The following MEI4 variants were observed in gnomAD, a reference collection of about 807,000 sequenced individuals.
MEI4 encodes the protein meiotic double-stranded break formation protein 4.
Under a neutral mutation model 31.4 loss-of-function variants are expected in MEI4, and 27 were observed. The ratio of observed to expected loss-of-function variants is 0.86; its 90% CI spans 0.63 to 1.19. The LOEUF is 1.19. Ranked by LOEUF, MEI4 falls within the 50% of genes most tolerant of loss-of-function variation. The pLI, the probability that MEI4 is intolerant of heterozygous loss-of-function variation, is 0.00. For synonymous variants in MEI4, 122 were observed against 145.4 expected (o/e 0.84, Z 1.16); for missense variants, 329 against 398.9 (o/e 0.82, Z 1.49).
intron 2 of MEI4, among the ~76,000 whole-genome samples, chr6:77,731,608 G>T (rs1223734668): frequency 6.6e-6 from 1 of 151,192 alleles, no homozygotes; most frequent in Non-Finnish European, 1.5e-5. Flanking sequence ...AGTTTCTTTT[G>T]CTGTGCAGAA....
chr6:77,839,204 T>C (rs556371604), intron 4 of MEI4, among the ~76,000 whole-genome samples: 19 of 152,278 alleles, frequency 1.2e-4, no homozygotes, highest in Middle Eastern at 3.4e-3. Context: ...TGTATTTGTT[T>C]TTTTATCTAG....
chr6:77,827,040 G>A (rs1314542840), intron 3 of MEI4, among the ~76,000 whole-genome samples: 1 of 152,080 alleles, frequency 6.6e-6, no homozygotes, highest in Non-Finnish European at 1.5e-5. Flanking sequence ...GGCAACCAAG[G>A]TAGCTGCTAC....
chr6:77,755,094 G>C (rs1767879741), intron 2 of MEI4, among the ~76,000 whole-genome samples: 1 of 152,152 alleles, frequency 6.6e-6, no homozygotes, highest in African/African-American at 2.4e-5. Context: ...GATTTGGGAA[G>C]CTGAAGTGGA....
chr6:77,664,392 T>C (rs908376815), intron 1 of MEI4, among the ~76,000 whole-genome samples: 2 of 152,130 alleles, frequency 1.3e-5, no homozygotes, highest in African/African-American at 2.4e-5. Context: ...CTAAACGCTA[T>C]CTGATTTGGG....
chr6:77,912,829 C>G (rs1362775687), intron 4 of MEI4, among the ~76,000 whole-genome samples: 1 of 152,006 alleles, frequency 6.6e-6, no homozygotes, highest in Admixed American at 6.6e-5. Flanking sequence ...GTTAGGACTT[C>G]TAGTACTATG....
rs562620363 is a variant in MEI4 at position 77,859,464 on chromosome 6, C to T, written c.900+30402C>T. Among the ~76,000 whole-genome samples the T allele has an allele frequency of 2.0e-5, 3 of 152,260 alleles. No homozygotes were observed. In the South Asian group the frequency reaches 6.2e-4, roughly 32 times the overall value. ...CATACTGTCTACTATGATGGTTGAA[C>T]TAATTTACATTCCCACCAACAGTGT... On this transcript the variant is annotated intron_variant, in intron 4 of 4. Transcript: ENST00000684080.
chr6:77,810,022 C>A (rs941704299), intron 3 of MEI4, among the ~76,000 whole-genome samples: 1 of 152,096 alleles, frequency 6.6e-6, no homozygotes, highest in Non-Finnish European at 1.5e-5. Flanking sequence ...ATATTAAGAC[C>A]TGTCAAGTAT....
At chr6:77,829,211 C>G (rs1770023298) in intron 4 of MEI4, 149 bp downstream of exon 4, 3 of 602,126 alleles carry the variant, frequency 5.0e-6, no homozygotes, top group South Asian at 9.1e-5. Flanking sequence ...TACTGCCTAC[C>G]AAAATTACAG....
intron 2 of MEI4, among the ~76,000 whole-genome samples, chr6:77,745,303 A>AG (rs1489818010): frequency 6.6e-6 from 1 of 152,188 alleles, no homozygotes; most frequent in Non-Finnish European, 1.5e-5. Flanking sequence ...AAACAAAAAA[A>AG]GGCAGGGGTT....
intron 4 of MEI4, among the ~76,000 whole-genome samples, chr6:77,911,897 CTT>C (rs1181885104): frequency 3.3e-5 from 5 of 151,738 alleles, no homozygotes; most frequent in Admixed American, 1.3e-4. Context: ...GCCTTAAAAT[CTT>C]TGCCTAGAAA....
At position 77,924,706 on chromosome 6, in the gene MEI4, TC is replaced by T. The variant is rs1766804610; in HGVS notation, c.*1361del. 6.6e-6 allele frequency: 1 copy of T among 151,788 alleles called. No individual in the cohort carries two copies. The highest frequency in any genetic ancestry group is 1.5e-5 in the Non-Finnish European group (1 of 67,874). 9.4% of individuals were successfully genotyped at this position (151,788 alleles called of 1,614,324 possible). ...ATAGTAGCTTCTCAGTGGAAGCTCC[TC>T]TCATGGCAGTGGCAATTGAGCAAGA... On this transcript the variant is annotated 3_prime_UTR_variant, in exon 5 of 5. Transcript: ENST00000684080.
intron 4 of MEI4, among the ~76,000 whole-genome samples, chr6:77,884,431 A>G (rs896512896): frequency 2.6e-5 from 4 of 152,166 alleles, no homozygotes; most frequent in South Asian, 2.1e-4. Context: ...ATCCTTGTCT[A>G]CACCAACATC....
chr6:77,757,943 G>A (rs957746118), intron 2 of MEI4, among the ~76,000 whole-genome samples: 3 of 152,014 alleles, frequency 2.0e-5, no homozygotes, highest in African/African-American at 7.2e-5. Flanking sequence ...GGATCACAGG[G>A]TCAAGAGATC....
chr6:77,864,175 A>C (rs1770952570), intron 4 of MEI4, among the ~76,000 whole-genome samples: 1 of 152,196 alleles, frequency 6.6e-6, no homozygotes, highest in African/African-American at 2.4e-5. Flanking sequence ...GCATCAACTA[A>C]CAAGCAAAAT....
intron 2 of MEI4, among the ~76,000 whole-genome samples, chr6:77,754,826 A>T (rs1767870870): frequency 6.6e-6 from 1 of 151,804 alleles, no homozygotes; most frequent in Non-Finnish European, 1.5e-5. Context: ...TTATAAAACC[A>T]CCAGATCTTG....
At chr6:77,905,951 C>A (rs895421812) in intron 4 of MEI4, among the ~76,000 whole-genome samples, 1 of 151,616 alleles carries the variant, frequency 6.6e-6, no homozygotes, top group East Asian at 1.9e-4. Flanking sequence ...GTCTCTAAAT[C>A]TTTTTTCCTA....
At chr6:77,716,526 A>G (rs1156847531) in intron 2 of MEI4, among the ~76,000 whole-genome samples, 1 of 152,146 alleles carries the variant, frequency 6.6e-6, no homozygotes, top group Non-Finnish European at 1.5e-5. Flanking sequence ...CATGAGACAC[A>G]TTGGCAAGGG....
intron 3 of MEI4, among the ~76,000 whole-genome samples, chr6:77,793,089 C>T (rs1417075644): frequency 6.6e-6 from 1 of 152,022 alleles, no homozygotes; most frequent in African/African-American, 2.4e-5. Context: ...ATCATTTGAC[C>T]ATAGTGCATG....
At chr6:77,784,410 C>T (rs535336936) in intron 3 of MEI4, among the ~76,000 whole-genome samples, 1 of 152,088 alleles carries the variant, frequency 6.6e-6, no homozygotes, top group Non-Finnish European at 1.5e-5. Context: ...GCTGTTTCGG[C>T]AAATGTTGGG....
Sources: gnomAD v4.1 joint callset for allele counts (sites outside exome capture counted in the v4.1 genomes callset) on GRCh38, gnomAD v4.1.1 for gene constraint, MANE v1.5 for transcripts, NCBI Gene and HGNC (gene_info 2026-07-23, HGNC 2026-07-21) for gene names.